Variants in ADAMTS17 observed in about 807,000 individuals in gnomAD.
The protein encoded by ADAMTS17 is A disintegrin and metalloproteinase with thrombospondin motifs 17.
In ADAMTS17, 113 loss-of-function variants were observed where a neutral mutation model predicts 141.5. The ratio of observed to expected loss-of-function variants is 0.80; its 90% confidence interval spans 0.69 to 0.93. The LOEUF (loss-of-function observed/expected upper bound fraction) is 0.93. Among genes scored for constraint, ADAMTS17 ranks in the 40% least tolerant of loss-of-function variants. The pLI is 0.00. For synonymous variants in ADAMTS17, 768 were observed against 630.6 expected, an observed-to-expected ratio of 1.22 and a Z score of -3.27; for missense variants, 1,659 against 1,517.9, an observed-to-expected ratio of 1.09 and a Z score of -1.54.
intron 15 of ADAMTS17, among the ~76,000 whole-genome samples, chr15:100,056,636 C>A (rs887836245): frequency 6.6e-6 from 1 of 152,190 alleles, no homozygotes; most frequent in Non-Finnish European, 1.5e-5. Flanking sequence ...TGCTCGCTCG[C>A]AGGGCACTCA....
At chr15:100,267,351 C>T (rs1285662935) in intron 4 of ADAMTS17, among the ~76,000 whole-genome samples, 1 of 152,136 alleles carries the variant, frequency 6.6e-6, no homozygotes. Flanking sequence ...TATGGACACC[C>T]CACGTTTTGT....
At chr15:100,086,725 A>C (rs201610528) in intron 15 of ADAMTS17, among the ~76,000 whole-genome samples, 42,232 of 141,084 alleles carry the variant, frequency 0.3, 8,508 homozygotes, top group East Asian at 0.56. Context: ...ACTGAAAAAT[A>C]TGCTCCTGAA....
chr15:100,272,705 C>T (rs1236508452), intron 4 of ADAMTS17, among the ~76,000 whole-genome samples: 1 of 150,666 alleles, frequency 6.6e-6, no homozygotes, highest in Non-Finnish European at 1.5e-5. Context: ...TGCCTAACTG[C>T]TCTAGCTAGA....
intron 18 of ADAMTS17, among the ~76,000 whole-genome samples, chr15:100,035,525 A>T (rs2030622793): frequency 6.6e-6 from 1 of 152,010 alleles, no homozygotes; most frequent in Admixed American, 6.6e-5. Context: ...TTGGGGTTTG[A>T]GGCAGAGGTG....
At chr15:100,063,189 G>T (rs1334792073) in intron 15 of ADAMTS17, among the ~76,000 whole-genome samples, 1 of 152,188 alleles carries the variant, frequency 6.6e-6, no homozygotes, top group East Asian at 1.9e-4. Flanking sequence ...TAGGAATTTG[G>T]GATACACAGA....
At position 100,311,588 on chromosome 15, in the gene ADAMTS17, C is replaced by A. The variant is rs190023443; in HGVS notation, c.616+19301G>T. 2.5e-3 allele frequency among the ~76,000 whole-genome samples: 384 copies of A among 152,290 alleles called. 1 individual carries two copies. Among genetic ancestry groups the A allele is most frequent in the African/African-American group, 9.0e-3 (372 of 41,556 alleles). The stretch of plus-strand genomic sequence containing the variant: ...TGTTGCATAAGAGTCCAGGGGAGAA[C>A]TGGGAAGAGCCGACACCACTTCTTG... On this transcript the variant is annotated intron_variant, in intron 3 of 21. Coordinates refer to ENST00000268070, the MANE Select transcript of ADAMTS17 (RefSeq NM_139057.4).
At chr15:100,326,816 T>C (rs970237868) in intron 3 of ADAMTS17, among the ~76,000 whole-genome samples, 3 of 152,108 alleles carry the variant, frequency 2.0e-5, no homozygotes, top group East Asian at 3.8e-4. Flanking sequence ...AAAAGAAGGG[T>C]TGACCTCATC....
At chr15:100,199,118 T>C (rs2041226116) in intron 8 of ADAMTS17, among the ~76,000 whole-genome samples, 200 bp downstream of exon 8, 1 of 152,174 alleles carries the variant, frequency 6.6e-6, no homozygotes, top group African/African-American at 2.4e-5. Context: ...AATTAACATT[T>C]CAACTCTCCA....
chr15:100,335,689 A>C (rs1390599290), intron 2 of ADAMTS17, among the ~76,000 whole-genome samples: 1 of 152,194 alleles, frequency 6.6e-6, no homozygotes, highest in Non-Finnish European at 1.5e-5. Flanking sequence ...GCCTGTTTTT[A>C]ATGCCTTAAT....
rs1596123398 is a variant in ADAMTS17 at position 99,974,151 on chromosome 15, G to A, written c.*251C>T. On this transcript the variant is annotated 3_prime_UTR_variant, in exon 22 of 22. Coordinates refer to ENST00000268070, the MANE Select transcript of ADAMTS17 (RefSeq NM_139057.4). Reference sequence around the variant, plus strand: ...AGAGGTGCTTCCCTTCGAGGTACCTGAAATCCTAGAAATTGAAGTTACTTT... The same window carrying A: ...AGAGGTGCTTCCCTTCGAGGTACCTAAAATCCTAGAAATTGAAGTTACTTT... 2 of 555,978 alleles carry A rather than the reference G, an allele frequency of 3.6e-6. No homozygotes were observed. Among genetic ancestry groups the A allele is most frequent in the East Asian group, 3.1e-5 (1 of 32,374 alleles). The allele number at this position is 555,978 out of a possible 1,614,324, so 34.4% of individuals were successfully genotyped here.
chr15:100,093,504 A>G (rs1249780657), intron 15 of ADAMTS17, among the ~76,000 whole-genome samples: 52 of 152,130 alleles, frequency 3.4e-4, no homozygotes, highest in Non-Finnish European at 8.8e-5. Flanking sequence ...GAATCCACCC[A>G]CTCAGCTGCA....
intron 15 of ADAMTS17, among the ~76,000 whole-genome samples, chr15:100,061,122 G>A (rs1466204362): frequency 6.6e-6 from 1 of 152,198 alleles, no homozygotes; most frequent in Non-Finnish European, 1.5e-5. Context: ...TGGGATGCAG[G>A]TTTGTTCCGA....
intron 3 of ADAMTS17, among the ~76,000 whole-genome samples, chr15:100,282,042 C>A (rs1050405674): frequency 2.0e-5 from 3 of 152,158 alleles, no homozygotes; most frequent in Non-Finnish European, 4.4e-5. Flanking sequence ...CATTGATTCT[C>A]TAGATAACCT....
intron 20 of ADAMTS17, among the ~76,000 whole-genome samples, chr15:99,983,730 C>A (rs1277538263): frequency 6.6e-6 from 1 of 152,128 alleles, no homozygotes; most frequent in Non-Finnish European, 1.5e-5. Flanking sequence ...TGAAATCATG[C>A]AAGGCTGAAC....
At chr15:100,031,976 C>T in intron 18 of ADAMTS17, among the ~76,000 whole-genome samples, 1 of 152,208 alleles carries the variant, frequency 6.6e-6, no homozygotes, top group East Asian at 1.9e-4. Context: ...AACAGAGTCA[C>T]ACAGACCATA....
At chr15:100,086,549 C>G (rs1194388952) in intron 15 of ADAMTS17, among the ~76,000 whole-genome samples, 1 of 152,142 alleles carries the variant, frequency 6.6e-6, no homozygotes, top group Non-Finnish European at 1.5e-5. Context: ...ATACATTCTT[C>G]TCAGCACCAC....
At chr15:100,195,909 T>C (rs2041098060) in intron 8 of ADAMTS17, among the ~76,000 whole-genome samples, 1 of 152,224 alleles carries the variant, frequency 6.6e-6, no homozygotes, top group Admixed American at 6.5e-5. Context: ...TCATATTAAG[T>C]AGTAACTATA....
intron 20 of ADAMTS17, among the ~76,000 whole-genome samples, chr15:99,982,925 G>A (rs1168788113): frequency 1.3e-5 from 2 of 152,078 alleles, no homozygotes; most frequent in African/African-American, 4.8e-5. Flanking sequence ...GGGTGTCACT[G>A]GAAAAAACAG....
At chr15:100,270,880 G>C (rs193152660) in intron 4 of ADAMTS17, among the ~76,000 whole-genome samples, 282 of 151,312 alleles carry the variant, frequency 1.9e-3, no homozygotes, top group Non-Finnish European at 2.7e-3. Flanking sequence ...TTGTAAAGCT[G>C]AAACTCTGTA....
Sources: allele counts gnomAD v4.1 joint callset (sites outside exome capture counted in the v4.1 genomes callset), GRCh38; gene constraint gnomAD v4.1.1; transcripts MANE v1.5; gene names NCBI Gene and HGNC (gene_info 2026-07-23, HGNC 2026-07-21).